The following IRAK1BP1 variants were observed in gnomAD, a reference collection of about 807,000 sequenced individuals.
IRAK1BP1 encodes the protein interleukin-1 receptor-associated kinase 1-binding protein 1.
In IRAK1BP1, 24 loss-of-function variants were observed where a neutral mutation model predicts 28.0. The observed-to-expected ratio is 0.86, with a 90% CI of 0.62 to 1.20. IRAK1BP1 has a LOEUF of 1.20. Ranked by LOEUF, IRAK1BP1 falls within the 50% of genes most tolerant of loss-of-function variation. IRAK1BP1 has a pLI of 0.00. For synonymous variants in IRAK1BP1, 131 were observed against 116.3 expected (o/e 1.13, Z -0.81); for missense variants, 336 against 316.7 (o/e 1.06, Z -0.46).
intron 4 of IRAK1BP1, chr6:78,935,564 C>CT: frequency 1.0e-6 from 1 of 968,658 alleles, no homozygotes; most frequent in Non-Finnish European, 1.2e-6. Context: ...ATCACAGTAA[C>CT]TTACGGTAAG....
chr6:78,944,274 T>C (rs1486526021), intron 4 of IRAK1BP1, among the ~76,000 whole-genome samples: 2 of 152,104 alleles, frequency 1.3e-5, no homozygotes, highest in Non-Finnish European at 2.9e-5. Context: ...GGCAAAAAAT[T>C]TAAAATGTTT....
the IRAK1BP1 span, among the ~76,000 whole-genome samples, chr6:78,973,654 A>G: frequency 2.0e-5 from 3 of 147,536 alleles, no homozygotes; most frequent in African/African-American, 7.6e-5. Context: ...AGAGACACAC[A>G]TAGGCTCAAA....
chr6:78,921,130 G>T (rs1014779762), intron 4 of IRAK1BP1, among the ~76,000 whole-genome samples: 2 of 152,180 alleles, frequency 1.3e-5, no homozygotes, highest in African/African-American at 4.8e-5. Context: ...GCGAGGCATT[G>T]CCTCACCCAG....
rs1772120472 is a variant in IRAK1BP1 at position 78,902,027 on chromosome 6, C to T, written c.*3693C>T. ...AGTTACTATATGATTATCTGCATTACAAAATGAAAGCAAATGCTTTATTTA... is the reference window on the plus strand; with the variant it reads ...AGTTACTATATGATTATCTGCATTATAAAATGAAAGCAAATGCTTTATTTA... On this transcript the variant is annotated 3_prime_UTR_variant, in exon 4 of 4. Coordinates refer to ENST00000369940, the MANE Select transcript of IRAK1BP1 (RefSeq NM_001010844.4). 6.6e-6 allele frequency: 1 copy of T among 152,128 alleles called. No homozygotes were observed. The highest frequency in any genetic ancestry group is 1.5e-5 in the Non-Finnish European group (1 of 68,008). The allele number at this position is 152,128 out of a possible 1,614,324, so 9.4% of individuals were successfully genotyped here.
chr6:78,913,582 GT>G (rs1369342218), intron 4 of IRAK1BP1, among the ~76,000 whole-genome samples: 1 of 152,140 alleles, frequency 6.6e-6, no homozygotes, highest in African/African-American at 2.4e-5. Context: ...GGAGCCAGAG[GT>G]TGCAGTGAGC....
chr6:78,876,858 T>C (rs150606267), intron 1 of IRAK1BP1, among the ~76,000 whole-genome samples: 1 of 152,146 alleles, frequency 6.6e-6, no homozygotes, highest in East Asian at 1.9e-4. Flanking sequence ...TAGGGCAAAA[T>C]CATCTGGTGG....
At chr6:78,885,249 C>T (rs978462815) in intron 1 of IRAK1BP1, 129 bp from the exon 2 acceptor site, 1 of 555,154 alleles carries the variant, frequency 1.8e-6, no homozygotes, top group African/African-American at 2.0e-5. Context: ...AGTTTTAAAA[C>T]ATCAGGCAAA....
chr6:78,935,397 C>G (rs906670664), intron 4 of IRAK1BP1: 1 of 566,078 alleles, frequency 1.8e-6, no homozygotes, highest in Admixed American at 6.4e-5. Flanking sequence ...AAAATGCATG[C>G]CAATCTGACA....
chr6:78,974,819 C>T, the IRAK1BP1 span, among the ~76,000 whole-genome samples: 3 of 150,746 alleles, frequency 2.0e-5, no homozygotes, highest in African/African-American at 7.3e-5. Flanking sequence ...CAAGACTAAA[C>T]CAGGAAGAAG....
chr6:78,930,360 T>G (rs923198464), intron 4 of IRAK1BP1, among the ~76,000 whole-genome samples: 2 of 152,210 alleles, frequency 1.3e-5, no homozygotes, highest in African/African-American at 4.8e-5. Context: ...TTTAAGTATA[T>G]ATACAGTTGT....
In IRAK1BP1 at chr6:78,942,770, T is replaced by C. The variant is rs1383442695; in HGVS notation, c.*68-2638T>C. On this transcript the variant is annotated intron_variant and NMD_transcript_variant, in intron 4 of 4. Transcript: ENST00000606868. ...CAGTACATGTACCTACTACAGAAGA[T>C]AGGCTTTAAGGACTACATGAATCCC... is the stretch of plus-strand genomic sequence containing the variant. 8.5e-5 allele frequency among the ~76,000 whole-genome samples: 13 copies of C among 152,322 alleles called. No individual in the cohort carries two copies. The East Asian group carries it at 1.4e-3, about 16-fold the overall frequency.
rs1253236104 is a variant in IRAK1BP1, at chr6:78,899,090, A to ACAG, written c.*760_*762dup. Reference sequence around the variant, plus strand: ...GGCCATATGCAATATGGCTACATATACAGCAGGCTTTTGTTGTAGGTAAAG... The same window carrying ACAG: ...GGCCATATGCAATATGGCTACATATACAGCAGCAGGCTTTTGTTGTAGGTAAAG... On this transcript the variant is annotated 3_prime_UTR_variant, in exon 4 of 4. Transcript: ENST00000369940. 6.6e-6 allele frequency: 1 copy of ACAG among 152,238 alleles called. No individual in the cohort carries two copies. Among genetic ancestry groups the ACAG allele is most frequent in the Non-Finnish European group, 1.5e-5 (1 of 68,052 alleles). 9.4% of individuals were successfully genotyped at this position (152,238 alleles called of 1,614,324 possible). A position where few individuals can be genotyped will look rare whatever the true frequency, so the allele number is the denominator to read the frequency against.
intron 1 of IRAK1BP1, among the ~76,000 whole-genome samples, 196 bp from the exon 2 acceptor site, chr6:78,885,182 T>C (rs1771373446): frequency 6.6e-6 from 1 of 152,090 alleles, no homozygotes; most frequent in Non-Finnish European, 1.5e-5. Context: ...AGGAGTGACA[T>C]TTATGAAATT....
At chr6:78,960,828 T>C in the IRAK1BP1 span, among the ~76,000 whole-genome samples, 4 of 152,044 alleles carry the variant, frequency 2.6e-5, no homozygotes, top group South Asian at 2.1e-4. Context: ...ATTTAAGTCA[T>C]AAAAAGAACC....
chr6:78,934,728 T>G (rs1205666044), intron 4 of IRAK1BP1, among the ~76,000 whole-genome samples: 3 of 152,118 alleles, frequency 2.0e-5, no homozygotes, highest in African/African-American at 7.2e-5. Flanking sequence ...CACAGATAAT[T>G]TAATCAACCT....
intron 4 of IRAK1BP1, among the ~76,000 whole-genome samples, chr6:78,915,898 A>G (rs891807566): frequency 1.3e-5 from 2 of 152,238 alleles, no homozygotes; most frequent in Non-Finnish European, 2.9e-5. Flanking sequence ...TAAAAGTAAT[A>G]TGATCTGTGG....
At chr6:78,956,885 T>A in the IRAK1BP1 span, 1 of 152,086 alleles carries the variant, frequency 6.6e-6, no homozygotes, top group Non-Finnish European at 1.5e-5. Flanking sequence ...TTCTTACAGA[T>A]TTATCTATCC....
the IRAK1BP1 span, among the ~76,000 whole-genome samples, chr6:78,968,916 G>A: frequency 6.6e-6 from 1 of 152,194 alleles, no homozygotes; most frequent in South Asian, 2.1e-4. Context: ...TCTTGAAGGA[G>A]ATTTGGACCT....
At chr6:78,941,983 TTAGA>T (rs1302265996) in intron 4 of IRAK1BP1, among the ~76,000 whole-genome samples, 1 of 152,094 alleles carries the variant, frequency 6.6e-6, no homozygotes, top group Non-Finnish European at 1.5e-5. Flanking sequence ...ATGCTATAAC[TTAGA>T]TAAAGGAAAA....
Sources: gnomAD v4.1 joint callset for allele counts (sites outside exome capture counted in the v4.1 genomes callset) on GRCh38, gnomAD v4.1.1 for gene constraint, MANE v1.5 for transcripts, NCBI Gene and HGNC (gene_info 2026-07-23, HGNC 2026-07-21) for gene names.